NRG2: variants seen among roughly 807,000 people sequenced by gnomAD.
NRG2 encodes the protein pro-neuregulin-2, membrane-bound isoform.
A neutral mutation model predicts 73.9 loss-of-function variants in NRG2; 27 were observed. The observed-to-expected ratio is 0.37, with a 90% CI of 0.27 to 0.50. NRG2 has a LOEUF of 0.50. NRG2 is among the 20% of genes least tolerant of loss of function. The pLI is 0.96. For missense variants in NRG2, 1,126 were observed against 1,210.1 expected (o/e 0.93, Z 1.03); for synonymous variants, 532 against 541.0 (o/e 0.98, Z 0.23).
At chr5:140,015,049 C>T (rs12515888) in intron 1 of NRG2, among the ~76,000 whole-genome samples, 76,657 of 152,016 alleles carry the variant, frequency 0.5, 19,780 homozygotes, top group South Asian at 0.62. Flanking sequence ...AGCTCCCTTA[C>T]CTCCTTCCAG....
At chr5:139,926,363 G>A (rs542665920) in intron 1 of NRG2, among the ~76,000 whole-genome samples, 1 of 152,206 alleles carries the variant, frequency 6.6e-6, no homozygotes, top group African/African-American at 2.4e-5. Flanking sequence ...AAGTGCTGGT[G>A]TGTGAGCCCT....
intron 5 of NRG2, chr5:139,859,993 G>C: frequency 6.9e-7 from 1 of 1,455,220 alleles, no homozygotes; most frequent in Non-Finnish European, 9.5e-7. Context: ...GGGAGAGAGA[G>C]AGACAGAAAC....
chr5:139,982,703 ATTATTTCTTTACAACTTTCGGGTG>A (rs1173456818), intron 1 of NRG2, among the ~76,000 whole-genome samples: 4 of 152,156 alleles, frequency 2.6e-5, no homozygotes, highest in Non-Finnish European at 4.4e-5. Flanking sequence ...AATGCCAGGA[ATTATTTCTTTACAACTTTCGGGTG>A]TTATCCTCTT....
intron 1 of NRG2, among the ~76,000 whole-genome samples, chr5:139,910,909 G>A (rs978783354): frequency 2.0e-5 from 3 of 152,148 alleles, no homozygotes; most frequent in Non-Finnish European, 2.9e-5. Context: ...GAAGGTGGAA[G>A]GGAAGAGGCA....
intron 1 of NRG2, among the ~76,000 whole-genome samples, chr5:140,001,410 T>C (rs1261024016): frequency 1.3e-5 from 2 of 152,228 alleles, no homozygotes; most frequent in Non-Finnish European, 2.9e-5. Flanking sequence ...ATACAGATCA[T>C]GTCTTAATTT....
At chr5:139,959,926 C>T (rs917685523) in intron 1 of NRG2, among the ~76,000 whole-genome samples, 1 of 152,228 alleles carries the variant, frequency 6.6e-6, no homozygotes, top group South Asian at 2.1e-4. Flanking sequence ...TCTTAGACAA[C>T]TGGCATTGAG....
chr5:139,888,509 G>A (rs1764014195), intron 1 of NRG2, among the ~76,000 whole-genome samples: 1 of 152,204 alleles, frequency 6.6e-6, no homozygotes, highest in African/African-American at 2.4e-5. Flanking sequence ...GTCTGTTGGA[G>A]CCAGGGAGTT....
intron 1 of NRG2, among the ~76,000 whole-genome samples, chr5:139,967,434 AAGGCCACAG>A (rs1273085299): frequency 6.6e-6 from 1 of 152,206 alleles, no homozygotes; most frequent in Non-Finnish European, 1.5e-5. Context: ...CAGCCCAACA[AAGGCCACAG>A]GTGGCCAAAT....
intron 1 of NRG2, among the ~76,000 whole-genome samples, chr5:139,965,351 A>G (rs1388670353): frequency 6.6e-6 from 1 of 152,226 alleles, no homozygotes; most frequent in Non-Finnish European, 1.5e-5. Flanking sequence ...CAGGTTTTCC[A>G]AGAAGGCAAA....
chr5:140,014,753 A>G (rs1247391514), intron 1 of NRG2, among the ~76,000 whole-genome samples: 1 of 152,134 alleles, frequency 6.6e-6, no homozygotes. Flanking sequence ...CTAAATGTCT[A>G]TTCTCAACAT....
chr5:140,005,799 C>G (rs2126633161), intron 1 of NRG2, among the ~76,000 whole-genome samples: 1 of 152,250 alleles, frequency 6.6e-6, no homozygotes, highest in South Asian at 2.1e-4. Flanking sequence ...CCAAGAGTGC[C>G]TAGAATGCAT....
chr5:139,884,220 T>G (rs192351556), intron 2 of NRG2, among the ~76,000 whole-genome samples: 1 of 152,166 alleles, frequency 6.6e-6, no homozygotes, highest in Non-Finnish European at 1.5e-5. Flanking sequence ...AATGAAGCCA[T>G]GTCTAAGGCA....
chr5:139,874,372 C>T (rs1763045802), intron 3 of NRG2, among the ~76,000 whole-genome samples: 2 of 152,218 alleles, frequency 1.3e-5, no homozygotes, highest in South Asian at 4.1e-4. Flanking sequence ...CTGCCCTACC[C>T]ACCTTCTTCC....
Position 139,853,168 on chromosome 5 carries a change from C to T in NRG2, c.1293-141G>A. The T allele has an allele frequency of 2.7e-6, 3 of 1,119,160 alleles. No individual in the cohort carries two copies. Among genetic ancestry groups the T allele is most frequent in the Non-Finnish European group, 3.8e-6 (3 of 780,722 alleles). The allele number at this position is 1,119,160 out of a possible 1,614,324, so 69.3% of individuals were successfully genotyped here. A position where few individuals can be genotyped will look rare whatever the true frequency, so the allele number is the denominator to read the frequency against. ...CTGCTCGTCCCTGTACTCAAGCTGC[C>T]CTACAGCATCACTACCACCTGAATC... On this transcript the variant is annotated intron_variant, in intron 6 of 9. Transcript: ENST00000361474. The surrounding 1 kb of genome is among the most constrained non-coding windows in gnomAD (Gnocchi z 4.1).
At chr5:139,979,548 T>C (rs968389061) in intron 1 of NRG2, among the ~76,000 whole-genome samples, 1 of 152,188 alleles carries the variant, frequency 6.6e-6, no homozygotes, top group East Asian at 1.9e-4. Context: ...TGCTAACACA[T>C]AGAATGTGGG....
At chr5:139,881,020 G>T (rs376843845) in intron 2 of NRG2, 46 bp from the exon 3 acceptor site, 2 of 1,534,604 alleles carry the variant, frequency 1.3e-6, no homozygotes, top group Admixed American at 1.7e-5. Flanking sequence ...AGCCAGGGCC[G>T]GCTGTGGCTC....
At chr5:139,929,718 C>G (rs1353728940) in intron 1 of NRG2, among the ~76,000 whole-genome samples, 1 of 152,126 alleles carries the variant, frequency 6.6e-6, no homozygotes. Context: ...ATTGCTTCCC[C>G]CCTTGGTCAA....
At chr5:139,917,649 T>G (rs545704173) in intron 1 of NRG2, among the ~76,000 whole-genome samples, 3 of 152,352 alleles carry the variant, frequency 2.0e-5, no homozygotes, top group Admixed American at 2.0e-4. Context: ...TGGGGAAATG[T>G]TTATTCAGAT....
intron 1 of NRG2, among the ~76,000 whole-genome samples, chr5:139,927,575 C>G (rs1422764186): frequency 6.6e-6 from 1 of 152,002 alleles, no homozygotes; most frequent in Non-Finnish European, 1.5e-5. Context: ...ACCAGCCTGA[C>G]CAACATGGAG....
Sources: gnomAD v4.1 joint callset for allele counts (sites outside exome capture counted in the v4.1 genomes callset) on GRCh38, gnomAD v4.1.1 for gene constraint, Gnocchi (gnomAD v3.1) non-coding constraint, MANE v1.5 for transcripts, NCBI Gene and HGNC (gene_info 2026-07-23, HGNC 2026-07-21) for gene names.